TUSC3: variants seen among roughly 807,000 people sequenced by gnomAD.
The protein encoded by TUSC3 is dolichyl-diphosphooligosaccharide--protein glycosyltransferase subunit TUSC3.
In TUSC3, 45 loss-of-function variants were observed where a neutral mutation model predicts 44.8. The observed-to-expected ratio is 1.00, with a 90% CI of 0.79 to 1.29. The LOEUF is 1.29. Among genes scored for constraint, TUSC3 ranks in the 50% most tolerant of loss-of-function variants. The pLI is 0.00. For synonymous variants in TUSC3, 212 were observed against 152.9 expected (o/e 1.39, Z -2.85); for missense variants, 519 against 437.9 (o/e 1.19, Z -1.65).
chr8:15,832,333 C>A, the TUSC3 span, among the ~76,000 whole-genome samples: 1 of 152,132 alleles, frequency 6.6e-6, no homozygotes, highest in African/African-American at 2.4e-5. Context: ...CAAAAATACA[C>A]TGAAGTACAC....
upstream of TUSC3, among the ~76,000 whole-genome samples, chr8:15,539,501 C>T (rs898943599): frequency 1.2e-4 from 18 of 151,700 alleles, no homozygotes; most frequent in African/African-American, 4.4e-4. Context: ...GCAAGGCGCT[C>T]CACCATGCCC....
chr8:15,571,135 G>T (rs189451796), intron 1 of TUSC3, among the ~76,000 whole-genome samples: 42 of 151,626 alleles, frequency 2.8e-4, no homozygotes, highest in Non-Finnish European at 5.2e-4. Context: ...TGTATTTTTA[G>T]TAGAGATGGG....
chr8:15,520,228 C>A (rs1801278885), intron 2 of TUSC3, among the ~76,000 whole-genome samples: 1 of 152,180 alleles, frequency 6.6e-6, no homozygotes, highest in African/African-American at 2.4e-5. Flanking sequence ...GACATGGTCT[C>A]TGTCAATAGG....
In TUSC3 at chr8:15,654,617, G is replaced by A. The variant is rs10095795; in HGVS notation, c.426+3803G>A. Among the ~76,000 whole-genome samples the A allele has an allele frequency of 3.0e-3, 455 of 152,124 alleles. 6 individuals carry two copies. The highest frequency in any genetic ancestry group is 0.011 in the African/African-American group (439 of 41,512). On this transcript the variant is annotated intron_variant, in intron 3 of 10. Coordinates refer to ENST00000503731, the MANE Select transcript of TUSC3 (RefSeq NM_006765.4). ...ATTGTTAAAGCCCTGCAAACGTGGT[G>A]AAACCCCCATCTCTACTAAAAATAC...
intron 6 of TUSC3, among the ~76,000 whole-genome samples, chr8:15,694,378 A>G (rs576671699): frequency 8.0e-5 from 12 of 150,862 alleles, no homozygotes; most frequent in South Asian, 4.2e-4. Context: ...GGAGGCTGCA[A>G]TAAGCCGAGA....
intron 1 of TUSC3, among the ~76,000 whole-genome samples, chr8:15,433,699 A>G (rs985361626): frequency 6.6e-6 from 1 of 152,126 alleles, no homozygotes; most frequent in African/African-American, 2.4e-5. Flanking sequence ...GCCATACAGC[A>G]CATACTCACT....
chr8:15,609,618 A>G (rs930557936), intron 1 of TUSC3, among the ~76,000 whole-genome samples: 3 of 152,172 alleles, frequency 2.0e-5, no homozygotes, highest in African/African-American at 7.2e-5. Flanking sequence ...ACTGTCCCTG[A>G]TTAAAATGAC....
Position 15,672,150 on chromosome 8 carries a change from G to A in TUSC3, c.709-1597G>A, listed in dbSNP as rs530961506. Reference sequence around the variant, plus strand: ...AAGAAGAGTGGCCTGAATGGAGCATGCAGTGCCAGTTAAGGAGCGGTAGGA... The same window carrying A: ...AAGAAGAGTGGCCTGAATGGAGCATACAGTGCCAGTTAAGGAGCGGTAGGA... On this transcript the variant is annotated intron_variant, in intron 5 of 10. Coordinates refer to ENST00000503731, the MANE Select transcript of TUSC3 (RefSeq NM_006765.4). Among the ~76,000 whole-genome samples, 4 of 152,130 alleles carry A rather than the reference G, an allele frequency of 2.6e-5. No individual in the cohort carries two copies. The South Asian group carries it at 6.2e-4, about 24-fold the overall frequency.
chr8:15,446,071 C>A (rs957514595), intron 1 of TUSC3, among the ~76,000 whole-genome samples: 1 of 150,548 alleles, frequency 6.6e-6, no homozygotes, highest in Admixed American at 6.6e-5. Flanking sequence ...GGCAGAGACG[C>A]TCCTCACCTC....
At chr8:15,655,855 C>T (rs1807139065) in intron 3 of TUSC3, among the ~76,000 whole-genome samples, 3 of 152,104 alleles carry the variant, frequency 2.0e-5, no homozygotes, top group Admixed American at 2.0e-4. Context: ...CTTCCTTCTT[C>T]CCCAAACCAC....
intron 2 of TUSC3, among the ~76,000 whole-genome samples, chr8:15,485,025 T>A (rs1800716284): frequency 6.6e-6 from 1 of 152,202 alleles, no homozygotes; most frequent in Non-Finnish European, 1.5e-5. Flanking sequence ...TGAATTGTCA[T>A]CCTCTGCCCT....
At chr8:15,443,387 T>G (rs118139814) in intron 1 of TUSC3, among the ~76,000 whole-genome samples, 1 of 147,568 alleles carries the variant, frequency 6.8e-6, no homozygotes, top group Non-Finnish European at 1.5e-5. Flanking sequence ...TGTGTAAAGA[T>G]GGGGTTTCAC....
chr8:15,807,852 G>C, the TUSC3 span, among the ~76,000 whole-genome samples: 2 of 152,086 alleles, frequency 1.3e-5, no homozygotes, highest in African/African-American at 4.8e-5. Flanking sequence ...ATAGACACTG[G>C]GGACTCACAG....
chr8:15,692,367 CCCCCTTT>C (rs1808942789), intron 6 of TUSC3, among the ~76,000 whole-genome samples: 2 of 127,010 alleles, frequency 1.6e-5, no homozygotes, highest in African/African-American at 5.9e-5. Context: ...ACCCCCCCCC[CCCCCTTT>C]GTTTTTTTTT....
chr8:15,532,566 A>C (rs1801463420), intron 2 of TUSC3, among the ~76,000 whole-genome samples: 1 of 152,190 alleles, frequency 6.6e-6, no homozygotes, highest in Admixed American at 6.6e-5. Flanking sequence ...AAGTTTAAAA[A>C]GGGTGTGGGC....
At chr8:15,649,401 G>C (rs1296301778) in intron 2 of TUSC3, among the ~76,000 whole-genome samples, 1 of 151,884 alleles carries the variant, frequency 6.6e-6, no homozygotes, top group African/African-American at 2.4e-5. Flanking sequence ...TGGCTAACAC[G>C]GTGAAACCCC....
chr8:15,478,643 T>C (rs906897940), intron 1 of TUSC3, among the ~76,000 whole-genome samples: 4 of 152,194 alleles, frequency 2.6e-5, no homozygotes, highest in Admixed American at 6.5e-5. Context: ...TTCCATGATA[T>C]ATATATCCCT....
At chr8:15,550,239 T>A (rs923680782) in intron 1 of TUSC3, among the ~76,000 whole-genome samples, 1 of 151,792 alleles carries the variant, frequency 6.6e-6, no homozygotes, top group Non-Finnish European at 1.5e-5. Flanking sequence ...TTTTTATTTC[T>A]GTTTTCTTTG....
intron 2 of TUSC3, among the ~76,000 whole-genome samples, chr8:15,533,929 A>G (rs1801484579): frequency 6.6e-6 from 1 of 151,870 alleles, no homozygotes; most frequent in Non-Finnish European, 1.5e-5. Flanking sequence ...TTCTGGTTGG[A>G]GGTGTCATTT....
Sources: gnomAD v4.1 joint callset for allele counts (sites outside exome capture counted in the v4.1 genomes callset) on GRCh38, gnomAD v4.1.1 for gene constraint, MANE v1.5 for transcripts, NCBI Gene and HGNC (gene_info 2026-07-23, HGNC 2026-07-21) for gene names.